The following PEAK1 variants were observed in gnomAD, a reference collection of about 807,000 sequenced individuals.
PEAK1 encodes inactive tyrosine-protein kinase PEAK1.
In PEAK1, 54 loss-of-function variants were observed where a neutral mutation model predicts 124.7. That is an observed-to-expected ratio of 0.43 (90% CI 0.35 to 0.54). The LOEUF is 0.54. Among genes scored for constraint, PEAK1 ranks in the 20% least tolerant of loss-of-function variants. The pLI is 0.01. For synonymous variants in PEAK1, 719 were observed against 760.0 expected (o/e 0.95, Z 0.89); for missense variants, 2,046 against 2,134.5 (o/e 0.96, Z 0.82).
In PEAK1 at chr15:77,158,546, A is replaced by T; in HGVS notation, c.3288T>A (p.Asp1096Glu). ...EREDGKEDIS[D>E]PMDPNPCSAT... is the part of the protein sequence containing the mutation. ...CACTACAAGGGTTCGGGTCCATAGG[A>T]TCTGAAATGTCTTCTTTTCCATCTT... is the stretch of plus-strand genomic sequence containing the variant. Residue 1096 changes from aspartate to glutamate, a missense_variant, in exon 8 of 10, where the codon GAT (aspartate) becomes GAA (glutamate). Physicochemically the swap from Asp to Glu is conservative, Grantham distance 45 (BLOSUM62 2). Transcript: ENST00000682557. The T allele has an allele frequency of 6.2e-7, 1 of 1,614,180 alleles. No homozygotes were observed.
intron 8 of PEAK1, among the ~76,000 whole-genome samples, chr15:77,151,046 T>A (rs1339166743): frequency 6.6e-6 from 1 of 152,122 alleles, no homozygotes; most frequent in Non-Finnish European, 1.5e-5. Flanking sequence ...GATGGCTGGG[T>A]CAAATGGTAT....
rs755017287 is a variant in PEAK1 at position 77,179,619 on chromosome 15, T to A, written c.2308A>T (p.Ile770Phe). 6.2e-7 allele frequency: 1 copy of A among 1,614,156 alleles called. No homozygotes were observed. Among genetic ancestry groups the A allele is most frequent in the East Asian group, 2.2e-5 (1 of 44,876 alleles). ...TGTGGGGGTTGGATTGAAGCCACAA[T>A]CTGAGAAAGCACTGTGCTTGCTTTC... ...REKASTVLSQ[I>F]VASIQPPQSP... The change falls in exon 7 of 10, where the codon ATT becomes TTT. Residue 770 changes from isoleucine to phenylalanine, a missense_variant. Ile to Phe is a conservative substitution (Grantham distance 21, BLOSUM62 0). Coordinates refer to ENST00000682557, the MANE Select transcript of PEAK1 (RefSeq NM_001385026.1).
intron 9 of PEAK1, among the ~76,000 whole-genome samples, chr15:77,127,534 C>T (rs914551651): frequency 6.6e-6 from 1 of 152,094 alleles, no homozygotes; most frequent in African/African-American, 2.4e-5. Flanking sequence ...TAACAAGGAA[C>T]ATTATTGGAA....
chr15:77,184,499 T>C (rs1184904705), intron 6 of PEAK1, among the ~76,000 whole-genome samples: 1 of 152,230 alleles, frequency 6.6e-6, no homozygotes, highest in African/African-American at 2.4e-5. Context: ...AACTTTTGTT[T>C]ACACTAAAAC....
chr15:77,238,666 G>A (rs1216593804), intron 6 of PEAK1, among the ~76,000 whole-genome samples: 1 of 152,152 alleles, frequency 6.6e-6, no homozygotes, highest in Admixed American at 6.5e-5. Flanking sequence ...AGTAGCATGA[G>A]TCGGGGGAGA....
chr15:77,333,342 T>C (rs968063858), intron 2 of PEAK1: 14 of 982,846 alleles, frequency 1.4e-5, no homozygotes, highest in Middle Eastern at 5.2e-4. Context: ...AGCACTTCTA[T>C]ATACAACCAA....
rs533084071 is a variant in PEAK1, at chr15:77,232,237, T to C, written c.-115+20130A>G. ...AAACACTCTCTTGACTCTCCTTCCCTGTCTTTACTAGTAAAATGCCAACCC... is the reference window on the plus strand; with the variant it reads ...AAACACTCTCTTGACTCTCCTTCCCCGTCTTTACTAGTAAAATGCCAACCC... On this transcript the variant is annotated intron_variant, in intron 6 of 9. Coordinates refer to ENST00000682557, the MANE Select transcript of PEAK1 (RefSeq NM_001385026.1). Among the ~76,000 whole-genome samples, 5 of 152,284 alleles carry C rather than the reference T, an allele frequency of 3.3e-5. No individual in the cohort carries two copies. In the South Asian group the frequency reaches 1.0e-3, roughly 32 times the overall value.
intron 1 of PEAK1, among the ~76,000 whole-genome samples, chr15:77,407,882 GATAT>G (rs71145822): frequency 0.091 from 13,356 of 146,204 alleles, 664 homozygotes; most frequent in Admixed American, 0.1. Context: ...GATAAAGCAT[GATAT>G]ATATATATAT....
intron 5 of PEAK1, among the ~76,000 whole-genome samples, chr15:77,272,507 T>G (rs1269960612): frequency 6.6e-6 from 1 of 152,032 alleles, no homozygotes; most frequent in Non-Finnish European, 1.5e-5. Flanking sequence ...ACTAGAAAAC[T>G]AGAGGAGATG....
At chr15:77,346,695 A>G (rs1239018498) in intron 2 of PEAK1, 26 of 984,034 alleles carry the variant, frequency 2.6e-5, no homozygotes, top group Non-Finnish European at 3.0e-5. Flanking sequence ...TATCTTCCTG[A>G]CTACCAAAAG....
chr15:77,156,744 A>C (rs2055192594), intron 8 of PEAK1: 2 of 152,352 alleles, frequency 1.3e-5, no homozygotes, highest in Non-Finnish European at 1.5e-5. Flanking sequence ...TACTGAGGCT[A>C]TCATGAAAGA....
In PEAK1 at chr15:77,180,102, T is replaced by C; in HGVS notation, c.1825A>G (p.Ile609Val). 2.5e-6 allele frequency: 4 copies of C among 1,614,152 alleles called. No homozygotes were observed. Among genetic ancestry groups the C allele is most frequent in the Non-Finnish European group, 2.5e-6 (3 of 1,179,994 alleles). ...GCATAAGTTGGCTCGTCATGAATGA[T>C]AATTGGAAAAGGTGGCATACCAGCA... ...NNAGMPPFPIIIHDEPTYARS... is the reference protein window; with the variant it reads ...NNAGMPPFPIVIHDEPTYARS... Residue 609 changes from isoleucine (I) to valine (V), a missense_variant, in exon 7 of 10, where the codon ATC (isoleucine) becomes GTC (valine). Coordinates refer to ENST00000682557, the MANE Select transcript of PEAK1 (RefSeq NM_001385026.1).
intron 1 of PEAK1, chr15:77,404,338 A>C: frequency 1.0e-6 from 1 of 985,284 alleles, no homozygotes; most frequent in African/African-American, 1.7e-5. Flanking sequence ...GGACTGTGCT[A>C]ATACTAGCCA....
chr15:77,251,309 C>T (rs978198270), intron 6 of PEAK1, among the ~76,000 whole-genome samples: 1 of 152,110 alleles, frequency 6.6e-6, no homozygotes, highest in East Asian at 1.9e-4. Context: ...TACTTGAAAT[C>T]AAATAGTATT....
chr15:77,381,283 T>C (rs1597521146), intron 1 of PEAK1: 1 of 940,046 alleles, frequency 1.1e-6, no homozygotes, highest in East Asian at 1.2e-4. Flanking sequence ...GATGCAGTGA[T>C]GTGTACTTGT....
intron 7 of PEAK1, among the ~76,000 whole-genome samples, chr15:77,167,688 A>G (rs1263171967): frequency 6.6e-6 from 1 of 152,250 alleles, no homozygotes; most frequent in Non-Finnish European, 1.5e-5. Flanking sequence ...AAGCATGAAA[A>G]GACAACTTTG....
intron 8 of PEAK1, among the ~76,000 whole-genome samples, chr15:77,148,414 T>A (rs1228474313): frequency 1.3e-5 from 2 of 152,328 alleles, no homozygotes; most frequent in East Asian, 3.9e-4. Flanking sequence ...TGCACAGCTG[T>A]CACTATTTGT....
At chr15:77,347,908 C>T in intron 2 of PEAK1, 4 of 984,756 alleles carry the variant, frequency 4.1e-6, no homozygotes, top group Non-Finnish European at 4.8e-6. Context: ...AAGTAGCTCA[C>T]CTTAATTGAA....
chr15:77,330,652 G>A (rs1403447159), intron 2 of PEAK1, among the ~76,000 whole-genome samples: 1 of 152,148 alleles, frequency 6.6e-6, no homozygotes, highest in African/African-American at 2.4e-5. Flanking sequence ...TACCCCAGAT[G>A]TAAACATTGC....
Sources: gnomAD v4.1 joint callset for allele counts (sites outside exome capture counted in the v4.1 genomes callset) on GRCh38, gnomAD v4.1.1 for gene constraint, MANE v1.5 for transcripts, NCBI Gene and HGNC (gene_info 2026-07-23, HGNC 2026-07-21) for gene names.